MBD5: variants seen among roughly 807,000 people sequenced by gnomAD.
MBD5 encodes the protein methyl-CpG binding domain protein 5, also known as methyl-CpG-binding domain protein 5.
A neutral mutation model predicts 117.3 loss-of-function variants in MBD5; 13 were observed. The observed-to-expected ratio is 0.11, with a 90% CI of 0.07 to 0.18. The LOEUF (loss-of-function observed/expected upper bound fraction) is 0.18, where lower values mean the gene tolerates loss of function less well. Among genes scored for constraint, MBD5 ranks in the 10% least tolerant of loss-of-function variants. The probability of loss-of-function intolerance (pLI) is 1.00; values close to 1 mark genes in which losing one functional copy is unlikely to be tolerated. For missense variants in MBD5, 1,879 were observed against 2,093.8 expected (o/e 0.90, Z 2.00); for synonymous variants, 727 against 766.4 (o/e 0.95, Z 0.85).
chr2:148,415,265 C>A (rs1294548894), intron 4 of MBD5, among the ~76,000 whole-genome samples: 1 of 151,912 alleles, frequency 6.6e-6, no homozygotes, highest in Non-Finnish European at 1.5e-5. Flanking sequence ...CTTGGAATTT[C>A]TTTTTTTTAA....
intron 3 of MBD5, among the ~76,000 whole-genome samples, chr2:148,278,767 C>G (rs572565111): frequency 3.5e-4 from 54 of 152,240 alleles, no homozygotes; most frequent in African/African-American, 1.0e-3. Context: ...GCTAGAGAAC[C>G]AGGAAAGCCA....
At chr2:148,070,925 C>T (rs941645186) in intron 1 of MBD5, 59 of 151,760 alleles carry the variant, frequency 3.9e-4, no homozygotes, top group African/African-American at 1.3e-3. Flanking sequence ...AATCTCAGCT[C>T]ACTGCAGCCT....
At chr2:148,326,965 C>T (rs1015104839) in intron 3 of MBD5, among the ~76,000 whole-genome samples, 24 of 151,276 alleles carry the variant, frequency 1.6e-4, no homozygotes, top group South Asian at 2.1e-4. Context: ...GATTTTGCAG[C>T]GGCTGGTACC....
At chr2:148,077,209 T>C (rs1695530621) in intron 1 of MBD5, among the ~76,000 whole-genome samples, 1 of 152,222 alleles carries the variant, frequency 6.6e-6, no homozygotes, top group African/African-American at 2.4e-5. Flanking sequence ...TATCTCTTAA[T>C]AGTGTGCCTT....
intron 2 of MBD5, among the ~76,000 whole-genome samples, chr2:148,210,747 G>A (rs954292552): frequency 2.6e-5 from 4 of 151,986 alleles, no homozygotes; most frequent in African/African-American, 9.7e-5. Flanking sequence ...CATTGGTAAT[G>A]TAAACGTTTT....
intron 4 of MBD5, among the ~76,000 whole-genome samples, chr2:148,367,668 T>C (rs1703740975): frequency 6.6e-6 from 1 of 151,870 alleles, no homozygotes; most frequent in South Asian, 2.1e-4. Context: ...ATGGGAGAAG[T>C]ATATGAACAG....
chr2:148,486,240 C>T (rs992775224), intron 10 of MBD5, among the ~76,000 whole-genome samples: 2 of 152,116 alleles, frequency 1.3e-5, no homozygotes, highest in Non-Finnish European at 2.9e-5. Flanking sequence ...GACTGAGACT[C>T]ACCTCCCTTG....
intron 2 of MBD5, among the ~76,000 whole-genome samples, chr2:148,179,159 C>G (rs540379504): frequency 6.6e-6 from 1 of 152,132 alleles, no homozygotes; most frequent in South Asian, 2.1e-4. Flanking sequence ...TCCAGACCAT[C>G]CTGGAGAACA....
intron 1 of MBD5, among the ~76,000 whole-genome samples, chr2:148,070,340 T>C (rs1433027128): frequency 6.6e-6 from 1 of 152,218 alleles, no homozygotes; most frequent in Non-Finnish European, 1.5e-5. Context: ...AGTAGACATT[T>C]AGTGATTTGA....
intron 3 of MBD5, among the ~76,000 whole-genome samples, chr2:148,307,241 A>G (rs1020488504): frequency 6.8e-6 from 1 of 147,268 alleles, no homozygotes; most frequent in African/African-American, 2.4e-5. Context: ...TTTTTTAAGT[A>G]ATTGAAAACA....
chr2:148,109,152 A>G (rs982630946), intron 1 of MBD5, among the ~76,000 whole-genome samples: 7 of 152,030 alleles, frequency 4.6e-5, no homozygotes, highest in African/African-American at 1.4e-4. Context: ...AGGTGTGGTG[A>G]CTCATGCCTA....
chr2:148,281,514 A>T (rs903562917), intron 3 of MBD5, among the ~76,000 whole-genome samples: 2 of 151,748 alleles, frequency 1.3e-5, no homozygotes, highest in African/African-American at 4.8e-5. Flanking sequence ...TTCTGTATGA[A>T]TCTTCAACTC....
chr2:148,310,441 T>C (rs1488721312), intron 3 of MBD5, among the ~76,000 whole-genome samples: 3 of 152,210 alleles, frequency 2.0e-5, no homozygotes, highest in Non-Finnish European at 4.4e-5. Context: ...TAGAGGTGTT[T>C]ATAGTATTCT....
chr2:148,239,295 C>A (rs1170939415), intron 3 of MBD5, among the ~76,000 whole-genome samples: 1 of 151,994 alleles, frequency 6.6e-6, no homozygotes, highest in Non-Finnish European at 1.5e-5. Flanking sequence ...TACTCTCTAG[C>A]TTTATTTGTT....
chr2:148,142,235 C>T (rs929545455), intron 1 of MBD5, among the ~76,000 whole-genome samples: 1 of 151,998 alleles, frequency 6.6e-6, no homozygotes, highest in African/African-American at 2.4e-5. Context: ...TGAGTCTGCA[C>T]ATTGAAAAAG....
chr2:148,475,964 C>G (rs973395430), intron 8 of MBD5, among the ~76,000 whole-genome samples: 1 of 152,120 alleles, frequency 6.6e-6, no homozygotes, highest in Admixed American at 6.6e-5. Flanking sequence ...ATTTCTAAGC[C>G]TTATACTACT....
At chr2:148,254,349 T>G (rs1358790341) in intron 3 of MBD5, among the ~76,000 whole-genome samples, 1 of 152,202 alleles carries the variant, frequency 6.6e-6, no homozygotes, top group Non-Finnish European at 1.5e-5. Flanking sequence ...AACACCACCT[T>G]TCTGATCTAA....
chr2:148,351,030 G>A (rs1217215954), intron 4 of MBD5, among the ~76,000 whole-genome samples: 1 of 152,040 alleles, frequency 6.6e-6, no homozygotes, highest in South Asian at 2.1e-4. Flanking sequence ...CTTAACAGAA[G>A]ACCTCAAGGT....
At chr2:148,252,264 G>A (rs13425594) in intron 3 of MBD5, among the ~76,000 whole-genome samples, 91,866 of 151,716 alleles carry the variant, frequency 0.61, 27,988 homozygotes, top group East Asian at 0.71. Context: ...GGAGTTCAAG[G>A]CCAGCCTGAA....
Sources: gnomAD v4.1 joint callset for allele counts (sites outside exome capture counted in the v4.1 genomes callset) on GRCh38, gnomAD v4.1.1 for gene constraint, MANE v1.5 for transcripts, NCBI Gene and HGNC (gene_info 2026-07-23, HGNC 2026-07-21) for gene names.